The following PRKAR2B variants were observed in gnomAD, a reference collection of about 807,000 sequenced individuals.
PRKAR2B encodes the protein cAMP-dependent protein kinase type II-beta regulatory subunit.
PRKAR2B carries 14 observed loss-of-function variants against 49.9 expected under a neutral mutation model. The ratio of observed to expected loss-of-function variants is 0.28; its 90% CI spans 0.19 to 0.44. PRKAR2B has a LOEUF of 0.44. PRKAR2B is among the 20% of genes least tolerant of loss of function. The pLI is 1.00. For missense variants in PRKAR2B, 393 were observed against 537.9 expected (o/e 0.73, Z 2.67); for synonymous variants, 196 against 197.7 (o/e 0.99, Z 0.07).
rs190303508 is a variant in PRKAR2B, at chr7:107,098,689, G to A, written c.344-23263G>A. On this transcript the variant is annotated intron_variant, in intron 2 of 10. Transcript: ENST00000265717. ...TTTGATGATGGTGACGTACAAATGG[G>A]GTTTTGGTGTGGATGTCCTTTCTGT... 1.2e-3 allele frequency among the ~76,000 whole-genome samples: 178 copies of A among 152,218 alleles called. 1 individual carries two copies. The highest frequency in any genetic ancestry group is 4.1e-3 in the African/African-American group (170 of 41,524).
chr7:107,152,457 A>C (rs975556036), intron 7 of PRKAR2B, among the ~76,000 whole-genome samples: 1 of 152,188 alleles, frequency 6.6e-6, no homozygotes, highest in Admixed American at 6.5e-5. Flanking sequence ...GGTCTTCTCA[A>C]TGAGACCAGC....
intron 1 of PRKAR2B, among the ~76,000 whole-genome samples, chr7:107,050,595 C>G (rs1203532818): frequency 6.6e-6 from 1 of 151,880 alleles, no homozygotes; most frequent in African/African-American, 2.4e-5. Flanking sequence ...TTAAGAAAAT[C>G]GTTTGTCAGT....
chr7:107,122,369 C>T (rs1440467847), intron 3 of PRKAR2B, among the ~76,000 whole-genome samples: 4 of 152,282 alleles, frequency 2.6e-5, no homozygotes, highest in Non-Finnish European at 4.4e-5. Flanking sequence ...CTGAAACAAA[C>T]AAATCACGGT....
intron 2 of PRKAR2B, among the ~76,000 whole-genome samples, chr7:107,072,237 T>C (rs1260731627): frequency 6.6e-6 from 1 of 151,938 alleles, no homozygotes; most frequent in Non-Finnish European, 1.5e-5. Flanking sequence ...AACAGTTTGG[T>C]ATAAATAAGA....
At chr7:107,096,191 G>T (rs985395602) in intron 2 of PRKAR2B, among the ~76,000 whole-genome samples, 5 of 152,124 alleles carry the variant, frequency 3.3e-5, no homozygotes, top group African/African-American at 1.2e-4. Flanking sequence ...GCCTGTTATT[G>T]GTCTATTTAG....
intron 4 of PRKAR2B, among the ~76,000 whole-genome samples, chr7:107,137,946 G>C (rs555625405): frequency 0.011 from 1,747 of 152,150 alleles, 25 homozygotes; most frequent in Non-Finnish European, 0.017. Context: ...CTGGGCACTT[G>C]AGTGTGCCCT....
At chr7:107,103,551 G>C (rs1314447566) in intron 2 of PRKAR2B, among the ~76,000 whole-genome samples, 1 of 152,190 alleles carries the variant, frequency 6.6e-6, no homozygotes, top group African/African-American at 2.4e-5. Context: ...CTGAGGCTGG[G>C]TCCTGGCTGC....
chr7:107,104,037 T>C (rs1162431418), intron 2 of PRKAR2B, among the ~76,000 whole-genome samples: 1 of 151,718 alleles, frequency 6.6e-6, no homozygotes, highest in African/African-American at 2.4e-5. Context: ...TTTTTTTTTC[T>C]TCTCTTTTTT....
At chr7:107,052,234 C>T (rs558835759) in intron 1 of PRKAR2B, among the ~76,000 whole-genome samples, 3 of 152,234 alleles carry the variant, frequency 2.0e-5, no homozygotes, top group East Asian at 1.9e-4. Flanking sequence ...GCCTGGCCAA[C>T]ATGGTGAAAC....
chr7:107,068,308 G>T (rs1794194295), intron 1 of PRKAR2B, among the ~76,000 whole-genome samples: 1 of 152,044 alleles, frequency 6.6e-6, no homozygotes, highest in Non-Finnish European at 1.5e-5. Flanking sequence ...CTATATTTTT[G>T]CCCCAAGGCT....
intron 1 of PRKAR2B, among the ~76,000 whole-genome samples, chr7:107,063,467 G>A (rs571636183): frequency 2.3e-4 from 35 of 152,284 alleles, no homozygotes; most frequent in Admixed American, 3.3e-4. Flanking sequence ...ATAATGTAGC[G>A]AAGGAGGAGA....
At chr7:107,140,067 T>C (rs1487095699) in intron 4 of PRKAR2B, among the ~76,000 whole-genome samples, 1 of 152,256 alleles carries the variant, frequency 6.6e-6, no homozygotes, top group African/African-American at 2.4e-5. Flanking sequence ...ATTCTGTCTT[T>C]TCAAAGTTCT....
rs1169510536 is a variant in PRKAR2B at position 107,159,696 on chromosome 7, T to G, written c.*114T>G. 3 of 1,151,194 alleles carry G rather than the reference T, an allele frequency of 2.6e-6. No individual in the cohort carries two copies. Among genetic ancestry groups the G allele is most frequent in the Non-Finnish European group, 3.7e-6 (3 of 812,270 alleles). The allele number at this position is 1,151,194 out of a possible 1,614,324, so 71.3% of individuals were successfully genotyped here. On this transcript the variant is annotated 3_prime_UTR_variant, in exon 11 of 11. Coordinates refer to ENST00000265717, the MANE Select transcript of PRKAR2B (RefSeq NM_002736.3). ...TTTCTGTGATTTCAGGTTTTTTCCT[T>G]TTTTTACATTTACAACGTATCAATA...
At chr7:107,066,611 C>G (rs1257589464) in intron 1 of PRKAR2B, 1 of 152,022 alleles carries the variant, frequency 6.6e-6, no homozygotes, top group Admixed American at 6.6e-5. Context: ...CTCTGTTGCC[C>G]AGGCTGGAGT....
At chr7:107,084,007 G>C (rs992905697) in intron 2 of PRKAR2B, among the ~76,000 whole-genome samples, 1 of 152,112 alleles carries the variant, frequency 6.6e-6, no homozygotes, top group East Asian at 1.9e-4. Context: ...AAGTGTTTTT[G>C]ACTATTCTGC....
intron 2 of PRKAR2B, among the ~76,000 whole-genome samples, chr7:107,072,246 G>C (rs1794294266): frequency 6.6e-6 from 1 of 151,920 alleles, no homozygotes; most frequent in Non-Finnish European, 1.5e-5. Context: ...GTATAAATAA[G>C]ATGATACCAA....
intron 2 of PRKAR2B, among the ~76,000 whole-genome samples, chr7:107,096,173 A>G (rs753833224): frequency 6.6e-6 from 1 of 152,184 alleles, no homozygotes; most frequent in Admixed American, 6.5e-5. Flanking sequence ...TGTTGCCTCA[A>G]TTTCAGAGCC....
intron 4 of PRKAR2B, chr7:107,129,062 C>G (rs1222539785): frequency 1.3e-5 from 2 of 152,134 alleles, no homozygotes; most frequent in Non-Finnish European, 2.9e-5. Context: ...TCAAACTCAA[C>G]ATCTTCAAGT....
chr7:107,049,599 A>ATCTT lies in PRKAR2B; in HGVS notation c.307+4386_307+4389dup, dbSNP rs576124192. Among the ~76,000 whole-genome samples the ATCTT allele has an allele frequency of 1.4e-4, 22 of 152,304 alleles. 2 individuals are homozygous for ATCTT. In the South Asian group the frequency reaches 4.4e-3, roughly 30 times the overall value. On this transcript the variant is annotated intron_variant, in intron 1 of 10. Transcript: ENST00000265717. ...GTAAAGTTTATATCATTGATATAAA[A>ATCTT]TCTTACAGAGTTATATACTTTTTTT...
Sources: gnomAD v4.1 joint callset for allele counts (sites outside exome capture counted in the v4.1 genomes callset) on GRCh38, gnomAD v4.1.1 for gene constraint, MANE v1.5 for transcripts, NCBI Gene and HGNC (gene_info 2026-07-23, HGNC 2026-07-21) for gene names.